Variants in CCDC191 observed in about 807,000 individuals in gnomAD.
CCDC191 encodes coiled-coil domain-containing protein 191.
CCDC191 carries 99 observed loss-of-function variants against 114.0 expected under a neutral mutation model. That is an observed-to-expected ratio of 0.87 (90% confidence interval 0.74 to 1.03). The LOEUF (loss-of-function observed/expected upper bound fraction) is 1.03, where lower values mean the gene tolerates loss of function less well. Among genes scored for constraint, CCDC191 ranks in the 50% least tolerant of loss-of-function variants. The pLI, the probability that CCDC191 is intolerant of heterozygous loss-of-function variation, is 0.00. For missense variants in CCDC191, 973 were observed against 1,087.0 expected, an observed-to-expected ratio of 0.90 and a Z score of 1.47; for synonymous variants, 351 against 376.0, an observed-to-expected ratio of 0.93 and a Z score of 0.77.
intron 16 of CCDC191, among the ~76,000 whole-genome samples, chr3:113,975,337 T>C (rs1941235426): frequency 1.3e-5 from 2 of 152,196 alleles, no homozygotes; most frequent in Admixed American, 6.5e-5. Context: ...TGTCTCTCCT[T>C]CCTTTCATCC....
intron 8 of CCDC191, among the ~76,000 whole-genome samples, chr3:114,012,405 T>C (rs953503262): frequency 2.0e-5 from 3 of 152,248 alleles, no homozygotes; most frequent in Non-Finnish European, 2.9e-5. Context: ...AATAAATATT[T>C]AGAAATTCAC....
chr3:114,011,521 GGGTTGATCTTGTGAAAGAAGAACT>G (rs1199077543), intron 8 of CCDC191, among the ~76,000 whole-genome samples: 2 of 152,194 alleles, frequency 1.3e-5, no homozygotes, highest in African/African-American at 4.8e-5. Context: ...GTAACACTGA[GGGTTGATCTTGTGAAAGAAGAACT>G]GGTCAGGGAA....
In CCDC191 at chr3:113,992,439, C is replaced by T. The variant is rs58141124; in HGVS notation, c.2163+9156G>A. 7.6e-3 allele frequency among the ~76,000 whole-genome samples: 1,164 copies of T among 152,272 alleles called. 7 individuals are homozygous for T. Among genetic ancestry groups the T allele is most frequent in the African/African-American group, 0.016 (667 of 41,552 alleles). On this transcript the variant is annotated intron_variant, in intron 13 of 16. Transcript: ENST00000295878. ...GCCACAGACCCTACTAACCAATAAA[C>T]AACCAAATGAACAAAGGCCACAGAC...
chr3:114,047,970 G>C (rs2076652466), intron 2 of CCDC191, among the ~76,000 whole-genome samples: 1 of 152,168 alleles, frequency 6.6e-6, no homozygotes, highest in South Asian at 2.1e-4. Context: ...GCGAGACTCT[G>C]TCTCAAAAGA....
chr3:113,983,223 C>G (rs1038031445), intron 13 of CCDC191, among the ~76,000 whole-genome samples: 1 of 152,156 alleles, frequency 6.6e-6, no homozygotes, highest in African/African-American at 2.4e-5. Context: ...TCTAAACTCT[C>G]CTGTTCTCTT....
intron 13 of CCDC191, among the ~76,000 whole-genome samples, chr3:113,988,955 G>A (rs551719764): frequency 1.2e-4 from 18 of 151,956 alleles, no homozygotes; most frequent in Non-Finnish European, 2.2e-4. Context: ...CACCACACCC[G>A]GCTAATATTT....
At position 114,034,952 on chromosome 3, in the gene CCDC191, C is replaced by G; in HGVS notation, c.791G>C (p.Arg264Thr). ...TTTCCATGCTGCTTTCACAGTGCGT[C>G]TCCTCTCAATTATCTCCCTCCGCAG... ...VKLRREIIER[R>T]RTVKAAWKIE... Residue 264 changes from arginine to threonine, a missense_variant, in exon 6 of 17, where the codon AGA becomes ACA. Coordinates refer to ENST00000295878, the MANE Select transcript of CCDC191 (RefSeq NM_020817.2). The G allele has an allele frequency of 6.2e-7, 1 of 1,613,980 alleles. No individual in the cohort carries two copies. The highest frequency in any genetic ancestry group is 8.5e-7 in the Non-Finnish European group (1 of 1,179,950).
At chr3:114,036,518 A>G (rs923113291) in intron 5 of CCDC191, 90 bp downstream of exon 5, 3 of 891,460 alleles carry the variant, frequency 3.4e-6, no homozygotes, top group Non-Finnish European at 4.8e-6. Flanking sequence ...CTTTTTCATA[A>G]TAAAGCCTAT....
chr3:114,021,009 A>G (rs1290519688), intron 7 of CCDC191, among the ~76,000 whole-genome samples: 3 of 152,132 alleles, frequency 2.0e-5, no homozygotes, highest in African/African-American at 7.2e-5. Context: ...CAAGTAGAGA[A>G]AGGTTTAATG....
intron 2 of CCDC191, among the ~76,000 whole-genome samples, chr3:114,052,942 A>G (rs897205425): frequency 6.6e-5 from 10 of 152,232 alleles, no homozygotes; most frequent in African/African-American, 2.4e-4. Flanking sequence ...TGCTAAACTG[A>G]CACGCAGAAG....
chr3:113,991,330 C>A (rs1024177111), intron 13 of CCDC191, among the ~76,000 whole-genome samples: 1 of 140,042 alleles, frequency 7.1e-6, no homozygotes, highest in Non-Finnish European at 1.5e-5. Flanking sequence ...AAAAATAACA[C>A]ACCATGACCA....
chr3:114,050,392 A>G (rs953691408), intron 2 of CCDC191, among the ~76,000 whole-genome samples: 1 of 152,232 alleles, frequency 6.6e-6, no homozygotes, highest in Non-Finnish European at 1.5e-5. Flanking sequence ...GAAGCTACCC[A>G]TTCTTTTTTA....
intron 15 of CCDC191, 178 bp from the exon 16 acceptor site, chr3:113,978,509 T>C (rs777032175): frequency 1.7e-4 from 113 of 662,676 alleles, no homozygotes; most frequent in Non-Finnish European, 2.4e-4. Context: ...ATCCTAAAAA[T>C]GGTAAGAGAA....
intron 16 of CCDC191, among the ~76,000 whole-genome samples, chr3:113,968,539 C>T (rs1224936489): frequency 6.6e-6 from 1 of 151,798 alleles, no homozygotes; most frequent in Non-Finnish European, 1.5e-5. Context: ...ACCTTCACCT[C>T]CTGGACTCAA....
chr3:114,036,524 C>T, intron 5 of CCDC191, 84 bp downstream of exon 5: 1 of 931,078 alleles, frequency 1.1e-6, no homozygotes, highest in East Asian at 2.8e-5. Flanking sequence ...CATAATAAAG[C>T]CTATGTCTTT....
chr3:114,052,420 T>G (rs2076709315), intron 2 of CCDC191, among the ~76,000 whole-genome samples: 1 of 152,170 alleles, frequency 6.6e-6, no homozygotes, highest in Non-Finnish European at 1.5e-5. Flanking sequence ...ACTGGGACTC[T>G]CAACACTCAC....
chr3:114,007,605 G>A (rs1360186262), intron 9 of CCDC191, among the ~76,000 whole-genome samples: 1 of 152,128 alleles, frequency 6.6e-6, no homozygotes, highest in Non-Finnish European at 1.5e-5. Flanking sequence ...TGAGTAAAGC[G>A]ACAGGGTTTC....
chr3:114,038,392 CATA>C (rs1241207682), intron 4 of CCDC191, among the ~76,000 whole-genome samples: 2 of 152,128 alleles, frequency 1.3e-5, no homozygotes, highest in African/African-American at 4.8e-5. Context: ...TTGTAGTCAT[CATA>C]ATGTCAGAGC....
At position 114,022,619 on chromosome 3, in the gene CCDC191, G is replaced by T. The variant is rs535752470; in HGVS notation, c.973-3751C>A. 1.8e-4 allele frequency among the ~76,000 whole-genome samples: 27 copies of T among 152,226 alleles called. No homozygotes were observed. In the South Asian group the frequency reaches 5.4e-3, roughly 30 times the overall value. ...GAAGAAAGCTACATTCTACACCCAG[G>T]CCCCTAAGTGACTCCTTGCTGTTCT... On this transcript the variant is annotated intron_variant, in intron 7 of 16. Coordinates refer to ENST00000295878, the MANE Select transcript of CCDC191 (RefSeq NM_020817.2).
Sources: gnomAD v4.1 joint callset for allele counts (sites outside exome capture counted in the v4.1 genomes callset) on GRCh38, gnomAD v4.1.1 for gene constraint, MANE v1.5 for transcripts, NCBI Gene and HGNC (gene_info 2026-07-23, HGNC 2026-07-21) for gene names.